The following ENTREP2 variants were observed in gnomAD, a reference collection of about 807,000 sequenced individuals.
ENTREP2 encodes protein ENTREP2.
the ENTREP2 span, among the ~76,000 whole-genome samples, chr15:29,479,662 C>A: frequency 7.4e-6 from 1 of 134,506 alleles, no homozygotes; most frequent in Admixed American, 7.5e-5. Flanking sequence ...GTCTCACACA[C>A]ACATACACAC....
the ENTREP2 span, among the ~76,000 whole-genome samples, chr15:29,470,330 G>A: frequency 6.6e-6 from 1 of 152,168 alleles, no homozygotes; most frequent in African/African-American, 2.4e-5. Flanking sequence ...CACAGGTCCT[G>A]GGCCCTGCCA....
the ENTREP2 span, among the ~76,000 whole-genome samples, chr15:29,584,431 A>G: frequency 9.0e-6 from 1 of 110,670 alleles, no homozygotes; most frequent in Admixed American, 1.1e-4. Flanking sequence ...TTTTAAATGT[A>G]TGTGTGTGTG....
the ENTREP2 span, among the ~76,000 whole-genome samples, chr15:29,262,901 C>T: frequency 3.3e-5 from 5 of 152,072 alleles, no homozygotes; most frequent in African/African-American, 1.2e-4. Flanking sequence ...TGGAGGACAC[C>T]CAGCTGGTAT....
the ENTREP2 span, chr15:29,381,955 G>T: frequency 1.2e-6 from 1 of 861,498 alleles, no homozygotes; most frequent in Non-Finnish European, 1.8e-6. Flanking sequence ...ACAGTGGCGG[G>T]GCTACCATGA....
chr15:29,309,103 T>G, the ENTREP2 span, among the ~76,000 whole-genome samples: 1 of 152,174 alleles, frequency 6.6e-6, no homozygotes, highest in African/African-American at 2.4e-5. Context: ...TATTAATCTG[T>G]CTTGTGTCAA....
chr15:29,409,777 C>G, the ENTREP2 span, among the ~76,000 whole-genome samples: 5 of 152,034 alleles, frequency 3.3e-5, no homozygotes, highest in Non-Finnish European at 7.4e-5. Flanking sequence ...CTGTGTCTTT[C>G]GATGTTTTTT....
chr15:29,414,535 C>T, the ENTREP2 span, among the ~76,000 whole-genome samples: 2 of 152,154 alleles, frequency 1.3e-5, no homozygotes, highest in East Asian at 3.9e-4. Flanking sequence ...TAAATGCCCA[C>T]AAGAGAAAGC....
chr15:29,287,442 A>T, the ENTREP2 span, among the ~76,000 whole-genome samples: 1 of 152,062 alleles, frequency 6.6e-6, no homozygotes, highest in African/African-American at 2.4e-5. Context: ...GGAATGATAA[A>T]ACTATTGTTG....
At chr15:29,281,232 C>G in the ENTREP2 span, among the ~76,000 whole-genome samples, 2 of 152,144 alleles carry the variant, frequency 1.3e-5, no homozygotes, top group African/African-American at 4.8e-5. Context: ...TTCTGCCGAA[C>G]TCATTGTAAT....
At chr15:29,170,231 C>T in the ENTREP2 span, among the ~76,000 whole-genome samples, 2 of 148,382 alleles carry the variant, frequency 1.3e-5, no homozygotes, top group East Asian at 4.0e-4. Flanking sequence ...TGGCGTGAAC[C>T]CGGGAGGTGG....
the ENTREP2 span, among the ~76,000 whole-genome samples, chr15:29,422,732 A>C: frequency 6.6e-6 from 1 of 152,218 alleles, no homozygotes. Flanking sequence ...GGTGGAGTGA[A>C]GGTGACAAGG....
At chr15:29,653,235 A>C in the ENTREP2 span, among the ~76,000 whole-genome samples, 1 of 152,226 alleles carries the variant, frequency 6.6e-6, no homozygotes, top group Non-Finnish European at 1.5e-5. Flanking sequence ...ACACTGATTA[A>C]TACTTGAAGC....
the ENTREP2 span, among the ~76,000 whole-genome samples, chr15:29,371,525 G>A: frequency 6.6e-6 from 1 of 152,096 alleles, no homozygotes; most frequent in African/African-American, 2.4e-5. Flanking sequence ...GATGATTAAA[G>A]AGACCAGTTA....
the ENTREP2 span, among the ~76,000 whole-genome samples, chr15:29,123,908 A>T: frequency 6.6e-6 from 1 of 152,028 alleles, no homozygotes; most frequent in Non-Finnish European, 1.5e-5. Context: ...GCAGGCAGCG[A>T]CCCACTTCTG....
At chr15:29,350,923 G>C in the ENTREP2 span, among the ~76,000 whole-genome samples, 1 of 152,130 alleles carries the variant, frequency 6.6e-6, no homozygotes, top group African/African-American at 2.4e-5. Context: ...GCCTGAGCAA[G>C]AGTGAGACTC....
chr15:29,221,093 A>G, the ENTREP2 span, among the ~76,000 whole-genome samples: 2 of 152,248 alleles, frequency 1.3e-5, no homozygotes, highest in East Asian at 3.9e-4. Flanking sequence ...TTGTCAAGTG[A>G]GAGCACCAAG....
the ENTREP2 span, among the ~76,000 whole-genome samples, chr15:29,530,971 T>A: frequency 2.0e-5 from 3 of 152,026 alleles, no homozygotes. Context: ...TGCAGACCCA[T>A]CCCAAAACGG....
At chr15:29,128,229 A>T in the ENTREP2 span, among the ~76,000 whole-genome samples, 12 of 152,074 alleles carry the variant, frequency 7.9e-5, no homozygotes, top group African/African-American at 2.4e-4. Context: ...CTCTGCTGCT[A>T]AGGGCCCTTC....
chr15:29,528,303 A>G, the ENTREP2 span, among the ~76,000 whole-genome samples: 1 of 152,066 alleles, frequency 6.6e-6, no homozygotes, highest in Non-Finnish European at 1.5e-5. Flanking sequence ...AAGTCCTTCA[A>G]AATAAGAAGA....
Sources: gnomAD v4.1 joint callset for allele counts (sites outside exome capture counted in the v4.1 genomes callset) on GRCh38, gnomAD v4.1.1 for gene constraint, MANE v1.5 for transcripts, NCBI Gene and HGNC (gene_info 2026-07-23, HGNC 2026-07-21) for gene names.